RBFOX1: variants seen among roughly 807,000 people sequenced by gnomAD.
RBFOX1 encodes the protein RNA binding protein fox-1 homolog 1.
RBFOX1 carries 8 observed loss-of-function variants against 57.7 expected under a neutral mutation model. The ratio of observed to expected loss-of-function variants is 0.14; its 90% CI spans 0.08 to 0.25. The LOEUF (loss-of-function observed/expected upper bound fraction) is 0.25, where lower values mean the gene tolerates loss of function less well. Among genes scored for constraint, RBFOX1 ranks in the 10% least tolerant of loss-of-function variants. RBFOX1 has a pLI of 1.00. For missense variants in RBFOX1, 611 were observed against 548.5 expected, an observed-to-expected ratio of 1.11 and a Z score of -1.14; for synonymous variants, 326 against 222.4, an observed-to-expected ratio of 1.47 and a Z score of -4.15.
chr16:6,901,544 G>T (rs534803208), intron 3 of RBFOX1, among the ~76,000 whole-genome samples: 1 of 152,164 alleles, frequency 6.6e-6, no homozygotes, highest in African/African-American at 2.4e-5. Flanking sequence ...ATCCAGAGAA[G>T]ATTTTTGTTT....
intron 2 of RBFOX1, among the ~76,000 whole-genome samples, chr16:6,602,177 C>G (rs1000138636): frequency 6.6e-6 from 1 of 151,696 alleles, no homozygotes; most frequent in Non-Finnish European, 1.5e-5. Context: ...TTTGTTGTTG[C>G]TGCTGTTGAA....
chr16:5,914,305 T>G (rs2058663407), intron 4 of RBFOX1, among the ~76,000 whole-genome samples: 1 of 152,200 alleles, frequency 6.6e-6, no homozygotes, highest in East Asian at 1.9e-4. Flanking sequence ...ATCCCCAATT[T>G]TTGTTGGGTC....
intron 2 of RBFOX1, among the ~76,000 whole-genome samples, chr16:5,559,918 C>T (rs1370547759): frequency 6.6e-6 from 1 of 152,130 alleles, no homozygotes; most frequent in East Asian, 1.9e-4. Context: ...TTCTTCCTCA[C>T]CCTCCACTTT....
At chr16:5,289,725 G>C (rs529388254) in intron 1 of RBFOX1, among the ~76,000 whole-genome samples, 5 of 152,340 alleles carry the variant, frequency 3.3e-5, no homozygotes, top group Admixed American at 2.6e-4. Flanking sequence ...GAATTGCTCT[G>C]AAAGAGAAGC....
intron 1 of RBFOX1, among the ~76,000 whole-genome samples, chr16:5,317,745 G>A (rs778396393): frequency 3.3e-5 from 5 of 152,292 alleles, no homozygotes; most frequent in African/African-American, 4.8e-5. Context: ...ATTGCTTTGC[G>A]TTTCTTCTTG....
intron 3 of RBFOX1, among the ~76,000 whole-genome samples, chr16:6,722,532 T>C (rs1270188200): frequency 1.7e-5 from 2 of 119,238 alleles, no homozygotes; most frequent in African/African-American, 2.9e-5. Flanking sequence ...TTTTGCCAAG[T>C]CATTTTGTAT....
chr16:7,027,815 AAG>A (rs1226930062), intron 3 of RBFOX1, among the ~76,000 whole-genome samples: 1 of 151,956 alleles, frequency 6.6e-6, no homozygotes, highest in Non-Finnish European at 1.5e-5. Context: ...ATAAATGAGA[AAG>A]AAGGGAAGGA....
At chr16:6,444,117 C>G (rs1023544095) in intron 2 of RBFOX1, among the ~76,000 whole-genome samples, 10 of 152,144 alleles carry the variant, frequency 6.6e-5, no homozygotes, top group Non-Finnish European at 1.3e-4. Context: ...CGCACTGCAT[C>G]CTCATCGATT....
chr16:6,297,845 G>A (rs1485005189), intron 1 of RBFOX1, among the ~76,000 whole-genome samples: 1 of 152,152 alleles, frequency 6.6e-6, no homozygotes, highest in African/African-American at 2.4e-5. Flanking sequence ...GCCACTGGGT[G>A]GCGAAACGCC....
intron 3 of RBFOX1, among the ~76,000 whole-genome samples, chr16:6,936,175 C>G (rs1031925594): frequency 1.3e-5 from 2 of 151,966 alleles, no homozygotes; most frequent in Non-Finnish European, 2.9e-5. Context: ...GCAGTCATTG[C>G]GAGTTGTGCA....
At position 5,423,070 on chromosome 16, in the gene RBFOX1, A is replaced by T. The variant is rs1257609799; in HGVS notation, c.220-44146A>T. On this transcript the variant is annotated intron_variant, in intron 1 of 2. Transcript: ENST00000585867. Reference sequence around the variant, plus strand: ...GAGAGGGAAGAGGGGAGGAAAGAGGAGGAGGAAGGAGAGGGAGGAAGAGGA... The same window carrying T: ...GAGAGGGAAGAGGGGAGGAAAGAGGTGGAGGAAGGAGAGGGAGGAAGAGGA... Among the ~76,000 whole-genome samples, 3 of 79,358 alleles carry T rather than the reference A, an allele frequency of 3.8e-5. No individual in the cohort carries two copies. The Admixed American group carries it at 4.7e-4, about 13-fold the overall frequency. 52.1% of individuals were successfully genotyped at this position (79,358 alleles called of 152,430 possible).
At chr16:5,253,335 A>G (rs895002057) in intron 1 of RBFOX1, among the ~76,000 whole-genome samples, 5 of 152,076 alleles carry the variant, frequency 3.3e-5, no homozygotes, top group African/African-American at 1.2e-4. Context: ...TATTTTGAGT[A>G]GAGAGGGAGT....
chr16:6,418,280 G>A (rs894317044), intron 2 of RBFOX1, among the ~76,000 whole-genome samples: 1 of 152,172 alleles, frequency 6.6e-6, no homozygotes, highest in Non-Finnish European at 1.5e-5. Context: ...TCTAGGAGGT[G>A]TGTCCTTTAA....
chr16:7,551,081 C>T (rs138800522), intron 5 of RBFOX1, among the ~76,000 whole-genome samples: 1,689 of 118,806 alleles, frequency 0.014, 12 homozygotes, highest in Non-Finnish European at 0.021. Context: ...GCAACAAGAG[C>T]GAGACTCAAA....
intron 3 of RBFOX1, among the ~76,000 whole-genome samples, chr16:6,917,728 C>T (rs138146422): frequency 6.4e-4 from 98 of 152,244 alleles, no homozygotes; most frequent in Non-Finnish European, 8.4e-4. Flanking sequence ...ATGGGAACCT[C>T]GGCATTCCAA....
chr16:7,557,863 T>A (rs1019863799), intron 5 of RBFOX1, among the ~76,000 whole-genome samples: 1 of 152,014 alleles, frequency 6.6e-6, no homozygotes, highest in African/African-American at 2.4e-5. Context: ...ACTCCCATCA[T>A]GGCCATTGCA....
At chr16:6,510,298 C>T (rs115668746) in intron 2 of RBFOX1, among the ~76,000 whole-genome samples, 338 of 152,260 alleles carry the variant, frequency 2.2e-3, no homozygotes, top group African/African-American at 7.8e-3. Context: ...TTTCAGTCAC[C>T]TCAAGTTGAA....
intron 1 of RBFOX1, among the ~76,000 whole-genome samples, chr16:6,076,349 C>CAA (rs755217006): frequency 4.6e-4 from 70 of 151,244 alleles, no homozygotes; most frequent in African/African-American, 1.6e-3. Context: ...CACACACATA[C>CAA]ACACACACAC....
In RBFOX1 at chr16:6,019,351, G is replaced by C. The variant is rs1003510448; in HGVS notation, c.-768G>C. ...GCGCTGCCGCCGCCTCCTCCAGCCA[G>C]AGTCGGTGGGACTGGCTGCGCTGCC... is the stretch of plus-strand genomic sequence containing the variant. On this transcript the variant is annotated 5_prime_UTR_variant, in exon 1 of 16. Coordinates refer to ENST00000550418, the MANE Select transcript of RBFOX1 (RefSeq NM_018723.4). The surrounding 1 kb of genome is among the most constrained non-coding windows in gnomAD (Gnocchi z 4.2). 2.0e-6 allele frequency: 2 copies of C among 985,450 alleles called. No individual in the cohort carries two copies. The highest frequency in any genetic ancestry group is 2.4e-6 in the Non-Finnish European group (2 of 830,164). 61.0% of individuals were successfully genotyped at this position (985,450 alleles called of 1,614,324 possible). A position where few individuals can be genotyped will look rare whatever the true frequency, so the allele number is the denominator to read the frequency against.
Sources: gnomAD v4.1 joint callset for allele counts (sites outside exome capture counted in the v4.1 genomes callset) on GRCh38, gnomAD v4.1.1 for gene constraint, Gnocchi (gnomAD v3.1) non-coding constraint, MANE v1.5 for transcripts, NCBI Gene and HGNC (gene_info 2026-07-23, HGNC 2026-07-21) for gene names.